DCC: variants seen among roughly 807,000 people sequenced by gnomAD.
DCC encodes DCC netrin 1 receptor.
A neutral mutation model predicts 172.5 loss-of-function variants in DCC; 58 were observed. That is an observed-to-expected ratio of 0.34 (90% CI 0.27 to 0.42). DCC has a LOEUF of 0.42. Ranked by LOEUF, DCC falls within the 10% of genes least tolerant of loss-of-function variation. The pLI, the probability that DCC is intolerant of heterozygous loss-of-function variation, is 1.00. For synonymous variants in DCC, 709 were observed against 644.5 expected, an observed-to-expected ratio of 1.10 and a Z score of -1.52; for missense variants, 1,740 against 1,791.0, an observed-to-expected ratio of 0.97 and a Z score of 0.51.
chr18:52,940,637 A>T (rs993797206), intron 5 of DCC, among the ~76,000 whole-genome samples: 3 of 152,222 alleles, frequency 2.0e-5, no homozygotes, highest in African/African-American at 7.2e-5. Context: ...GGAAAATAAT[A>T]GCAGATAAAT....
intron 7 of DCC, among the ~76,000 whole-genome samples, chr18:53,151,356 A>G (rs1202155987): frequency 6.6e-6 from 1 of 152,210 alleles, no homozygotes; most frequent in Non-Finnish European, 1.5e-5. Flanking sequence ...CCATAGTCTT[A>G]CACAGGTACA....
At chr18:53,128,821 GTA>G (rs2043601994) in intron 7 of DCC, among the ~76,000 whole-genome samples, 1 of 119,552 alleles carries the variant, frequency 8.4e-6, no homozygotes, top group African/African-American at 3.3e-5. Context: ...ACGTCTATGT[GTA>G]TACACATACA....
Position 52,459,967 on chromosome 18 carries a change from A to G in DCC, c.91+119089A>G, listed in dbSNP as rs1328417912. Among the ~76,000 whole-genome samples the G allele has an allele frequency of 5.9e-5, 9 of 151,908 alleles. No individual in the cohort carries two copies. In the East Asian group the frequency reaches 7.7e-4, roughly 13 times the overall value. ...TCTTTATCTAGTCTACCATTAATGG[A>G]CATTTAGGTTGATTCCATGTCTTTA... On this transcript the variant is annotated intron_variant, in intron 1 of 28. Transcript: ENST00000442544.
At chr18:53,160,343 A>T (rs991472900) in intron 8 of DCC, among the ~76,000 whole-genome samples, 5 of 152,080 alleles carry the variant, frequency 3.3e-5, no homozygotes, top group Admixed American at 1.3e-4. Context: ...ACACAACGAA[A>T]CTTTGATTTC....
In DCC at chr18:53,272,903, A is replaced by G. The variant is rs1313103074; in HGVS notation, c.1912-32675A>G. ...CAAATTGATATATGATTCTCGAAGA[A>G]TGAAGCTTCATATGAAAATAAATAA... On this transcript the variant is annotated intron_variant, in intron 12 of 28. Coordinates refer to ENST00000442544, the MANE Select transcript of DCC (RefSeq NM_005215.4). Among the ~76,000 whole-genome samples the G allele has an allele frequency of 3.9e-5, 6 of 152,294 alleles. No individual in the cohort carries two copies. The East Asian group carries it at 1.2e-3, about 29-fold the overall frequency.
intron 1 of DCC, among the ~76,000 whole-genome samples, chr18:52,543,316 TAAG>T (rs1568220949): frequency 6.6e-6 from 1 of 152,290 alleles, no homozygotes; most frequent in East Asian, 1.9e-4. Flanking sequence ...TAATTATTAA[TAAG>T]AAGTTTTTAC....
At chr18:52,904,626 G>T (rs1394770381) in intron 2 of DCC, among the ~76,000 whole-genome samples, 1 of 152,164 alleles carries the variant, frequency 6.6e-6, no homozygotes, top group Admixed American at 6.5e-5. Flanking sequence ...GAAGATTAAT[G>T]AGACAATCAA....
chr18:52,698,764 ATTT>A (rs34646550), intron 1 of DCC, among the ~76,000 whole-genome samples: 28,137 of 134,124 alleles, frequency 0.21, 2,947 homozygotes, highest in South Asian at 0.39. Flanking sequence ...ACGCCTGGCT[ATTT>A]TTTTTTTTTT....
chr18:52,531,781 C>T (rs2032158847), intron 1 of DCC, among the ~76,000 whole-genome samples: 1 of 152,090 alleles, frequency 6.6e-6, no homozygotes, highest in South Asian at 2.1e-4. Flanking sequence ...TTCATTGTTA[C>T]CTATTGTCAT....
rs999864392 is a variant in DCC, at chr18:53,094,155, G to A, written c.1261+27989G>A. 4.6e-5 allele frequency among the ~76,000 whole-genome samples: 7 copies of A among 152,046 alleles called. No homozygotes were observed. The South Asian group carries it at 8.3e-4, about 18-fold the overall frequency. Reference sequence around the variant, plus strand: ...GACTTTTCCCAAGGTATTTTAGGCCGGGACCAGAGTATTTAAGCTTTTAGG... The same window carrying A: ...GACTTTTCCCAAGGTATTTTAGGCCAGGACCAGAGTATTTAAGCTTTTAGG... On this transcript the variant is annotated intron_variant, in intron 7 of 28. Transcript: ENST00000442544.
intron 15 of DCC, among the ~76,000 whole-genome samples, chr18:53,380,011 T>C (rs1365005518): frequency 3.9e-5 from 6 of 152,192 alleles, no homozygotes; most frequent in Non-Finnish European, 2.9e-5. Context: ...TTTAAGCCTA[T>C]ATATTTGCAA....
rs1252826677 is a variant in DCC, at chr18:52,652,890, A to G, written c.92-99164A>G. Among the ~76,000 whole-genome samples the G allele has an allele frequency of 3.3e-5, 5 of 152,080 alleles. No homozygotes were observed. In the East Asian group the frequency reaches 9.6e-4, roughly 29 times the overall value. On this transcript the variant is annotated intron_variant, in intron 1 of 28. Transcript: ENST00000442544. ...GGGTCTGGAATACACAAGTATCCAG[A>G]GCTTTCCCCCACCAGGAGCTTGCTT... is the stretch of plus-strand genomic sequence containing the variant.
intron 1 of DCC, among the ~76,000 whole-genome samples, chr18:52,498,564 C>T (rs1297158222): frequency 6.6e-6 from 1 of 152,028 alleles, no homozygotes; most frequent in African/African-American, 2.4e-5. Context: ...GCAGAAGTTG[C>T]AGTGAGCCGA....
intron 12 of DCC, among the ~76,000 whole-genome samples, chr18:53,284,613 G>A (rs1476888809): frequency 1.3e-5 from 2 of 152,138 alleles, no homozygotes; most frequent in Non-Finnish European, 2.9e-5. Context: ...TCAGCAGCAT[G>A]AAAATGGACT....
At chr18:53,074,906 T>TA (rs968692516) in intron 7 of DCC, among the ~76,000 whole-genome samples, 5 of 152,316 alleles carry the variant, frequency 3.3e-5, no homozygotes, top group African/African-American at 1.2e-4. Context: ...TCTTCAGCTG[T>TA]AAAATTCAGT....
At chr18:53,389,566 T>A (rs915747092) in intron 16 of DCC, among the ~76,000 whole-genome samples, 1 of 152,158 alleles carries the variant, frequency 6.6e-6, no homozygotes, top group Non-Finnish European at 1.5e-5. Flanking sequence ...CTAGTGGTCA[T>A]TGTACTAGCA....
rs114105534 is a variant in DCC at position 52,798,507 on chromosome 18, T to C, written c.412+46133T>C. On this transcript the variant is annotated intron_variant, in intron 2 of 28. Coordinates refer to ENST00000442544, the MANE Select transcript of DCC (RefSeq NM_005215.4). ...GCATGAGCCACTGCACCTGGCCCCC[T>C]GCAGAGGAACTTTCTAATACAATTA... Among the ~76,000 whole-genome samples, 219 of 152,220 alleles carry C rather than the reference T, an allele frequency of 1.4e-3. 1 individual carries two copies. Among genetic ancestry groups the C allele is most frequent in the African/African-American group, 4.6e-3 (191 of 41,560 alleles).
intron 8 of DCC, among the ~76,000 whole-genome samples, chr18:53,170,066 G>T (rs1412808661): frequency 1.3e-5 from 2 of 152,178 alleles, no homozygotes; most frequent in Non-Finnish European, 2.9e-5. Context: ...AATCCTTGGG[G>T]CTAGAACTGA....
intron 1 of DCC, among the ~76,000 whole-genome samples, chr18:52,598,783 T>G (rs981563969): frequency 6.6e-6 from 1 of 152,176 alleles, no homozygotes; most frequent in African/African-American, 2.4e-5. Context: ...ATTTTTTTCA[T>G]AGTTCTGTAG....
Sources: allele counts gnomAD v4.1 joint callset (sites outside exome capture counted in the v4.1 genomes callset), GRCh38; gene constraint gnomAD v4.1.1; transcripts MANE v1.5; gene names NCBI Gene and HGNC (gene_info 2026-07-23, HGNC 2026-07-21).